TCERG1L: variants seen among roughly 807,000 people sequenced by gnomAD.
The protein encoded by TCERG1L is transcription elongation regulator 1-like protein.
A neutral mutation model predicts 56.3 loss-of-function variants in TCERG1L; 37 were observed. The ratio of observed to expected loss-of-function variants is 0.66; its 90% CI spans 0.51 to 0.87. The LOEUF is 0.87. TCERG1L is among the 40% of genes least tolerant of loss of function. The pLI is 0.00. For synonymous variants in TCERG1L, 324 were observed against 326.3 expected, an observed-to-expected ratio of 0.99 and a Z score of 0.08; for missense variants, 799 against 774.2, an observed-to-expected ratio of 1.03 and a Z score of -0.38.
In TCERG1L at chr10:131,163,196, C is replaced by A. The variant is rs1845995839; in HGVS notation, c.960G>T (p.Met320Ile). Residue 320 changes from methionine (M) to isoleucine (I), a missense_variant, in exon 6 of 12, where the codon ATG becomes ATT. Coordinates refer to ENST00000368642, the MANE Select transcript of TCERG1L (RefSeq NM_174937.4). Reference sequence around the variant, plus strand: ...CTGTGCTGTCCTCTCCTCCCCCCAGCATCGGTGGAGGCTCCTTTCAACAGA... The same window carrying A: ...CTGTGCTGTCCTCTCCTCCCCCCAGAATCGGTGGAGGCTCCTTTCAACAGA... ...GDKEDKEPPPMLGGGEDSTAR... is the reference protein window; with the variant it reads ...GDKEDKEPPPILGGGEDSTAR... 11 of 1,554,028 alleles carry A rather than the reference C, an allele frequency of 7.1e-6. No individual in the cohort carries two copies. Among genetic ancestry groups the A allele is most frequent in the Non-Finnish European group, 9.6e-6 (11 of 1,149,606 alleles).
At chr10:131,179,651 ATTC>A (rs1373572543) in intron 4 of TCERG1L, among the ~76,000 whole-genome samples, 1 of 152,120 alleles carries the variant, frequency 6.6e-6, no homozygotes, top group Non-Finnish European at 1.5e-5. Flanking sequence ...GCTTCCACTA[ATTC>A]TTCTGGCCCT....
chr10:131,257,452 G>A (rs1846184829), intron 4 of TCERG1L, among the ~76,000 whole-genome samples: 2 of 152,228 alleles, frequency 1.3e-5, no homozygotes, highest in African/African-American at 2.4e-5. Context: ...ACCGAATTCA[G>A]CACAATCTTT....
chr10:131,231,151 T>C (rs1398435170), intron 4 of TCERG1L, among the ~76,000 whole-genome samples: 2 of 152,090 alleles, frequency 1.3e-5, no homozygotes, highest in African/African-American at 4.8e-5. Context: ...AGCGAGTGGG[T>C]TCTGAGCAGG....
intron 4 of TCERG1L, among the ~76,000 whole-genome samples, chr10:131,170,919 G>A (rs1218320379): frequency 1.3e-5 from 2 of 152,158 alleles, no homozygotes; most frequent in African/African-American, 4.8e-5. Context: ...AGGCCGAGGT[G>A]GGCGGATCAC....
chr10:131,158,331 G>A (rs988026018), intron 6 of TCERG1L, among the ~76,000 whole-genome samples: 1 of 152,226 alleles, frequency 6.6e-6, no homozygotes, highest in Non-Finnish European at 1.5e-5. Flanking sequence ...CTTTGAAAGT[G>A]AGTTTCTTCC....
intron 4 of TCERG1L, among the ~76,000 whole-genome samples, chr10:131,233,621 TA>T (rs1365675246): frequency 2.0e-5 from 3 of 152,222 alleles, no homozygotes; most frequent in Non-Finnish European, 1.5e-5. Flanking sequence ...TATAATTTTA[TA>T]ATCCATTTTT....
chr10:131,296,997 A>T (rs569237351), intron 3 of TCERG1L, among the ~76,000 whole-genome samples: 1 of 152,286 alleles, frequency 6.6e-6, no homozygotes, highest in African/African-American at 2.4e-5. Context: ...AGACTCTTTG[A>T]GATAGTCTAT....
At position 131,263,915 on chromosome 10, in the gene TCERG1L, G is replaced by A. The variant is rs531651027; in HGVS notation, c.671-3471C>T. ...CTGCTTAGTGGGCCTCTGAGTGAGC[G>A]CAAAAGTTAAAGTCCTTGCTGGGAA... On this transcript the variant is annotated intron_variant, in intron 3 of 11. Transcript: ENST00000368642. 2.2e-3 allele frequency among the ~76,000 whole-genome samples: 342 copies of A among 152,290 alleles called. 1 individual carries two copies. The highest frequency in any genetic ancestry group is 4.3e-3 in the Non-Finnish European group (290 of 68,034).
intron 9 of TCERG1L, among the ~76,000 whole-genome samples, chr10:131,108,977 T>C (rs1356981271): frequency 6.6e-6 from 1 of 151,738 alleles, no homozygotes; most frequent in Non-Finnish European, 1.5e-5. Flanking sequence ...TAAGGCAGAG[T>C]CTTAGACAAC....
chr10:131,293,115 C>T (rs751812955), intron 3 of TCERG1L, among the ~76,000 whole-genome samples: 2 of 152,074 alleles, frequency 1.3e-5, no homozygotes, highest in African/African-American at 2.4e-5. Flanking sequence ...CCTCCCAAAG[C>T]GCTGGGATTA....
chr10:131,246,614 AC>A (rs202140249), intron 4 of TCERG1L, among the ~76,000 whole-genome samples: 3,521 of 143,440 alleles, frequency 0.025, 108 homozygotes, highest in East Asian at 0.071. Context: ...GCCCCACCGC[AC>A]CCCACCCCAC....
chr10:131,276,980 C>CAT (rs1846399770), intron 3 of TCERG1L, among the ~76,000 whole-genome samples: 1 of 152,200 alleles, frequency 6.6e-6, no homozygotes, highest in Non-Finnish European at 1.5e-5. Flanking sequence ...CATTTCTCAT[C>CAT]ATATGTAGCT....
chr10:131,283,823 CAA>C (rs1564833467), intron 3 of TCERG1L, among the ~76,000 whole-genome samples: 2 of 152,136 alleles, frequency 1.3e-5, no homozygotes, highest in African/African-American at 4.8e-5. Context: ...GCATACAGAG[CAA>C]AGAGATAAAC....
chr10:131,121,661 G>A (rs1196196621), intron 8 of TCERG1L, among the ~76,000 whole-genome samples: 9 of 151,652 alleles, frequency 5.9e-5, no homozygotes, highest in Non-Finnish European at 1.0e-4. Context: ...CCACACACCC[G>A]TGCTCATAAT....
At chr10:131,148,942 C>A (rs1845833608) in intron 6 of TCERG1L, among the ~76,000 whole-genome samples, 1 of 152,234 alleles carries the variant, frequency 6.6e-6, no homozygotes, top group African/African-American at 2.4e-5. Flanking sequence ...GGAGCCCTGA[C>A]CTGAACCCCA....
At chr10:131,150,686 GA>G (rs1321905569) in intron 6 of TCERG1L, among the ~76,000 whole-genome samples, 2 of 152,220 alleles carry the variant, frequency 1.3e-5, no homozygotes, top group Non-Finnish European at 2.9e-5. Context: ...GAGTTTAAGA[GA>G]AACAGGACTT....
At chr10:131,115,179 A>C (rs1246826848) in intron 9 of TCERG1L, among the ~76,000 whole-genome samples, 1 of 152,246 alleles carries the variant, frequency 6.6e-6, no homozygotes, top group African/African-American at 2.4e-5. Flanking sequence ...CCGCCTAGTC[A>C]CTGGCTGGAC....
At chr10:131,228,131 G>A (rs973874047) in intron 4 of TCERG1L, among the ~76,000 whole-genome samples, 5 of 151,738 alleles carry the variant, frequency 3.3e-5, no homozygotes, top group African/African-American at 9.7e-5. Context: ...CTCCACTCCA[G>A]ACAGGCATTT....
intron 4 of TCERG1L, among the ~76,000 whole-genome samples, chr10:131,184,376 A>G (rs936107339): frequency 2.0e-5 from 3 of 152,272 alleles, no homozygotes; most frequent in African/African-American, 4.8e-5. Context: ...GACTAAATGT[A>G]TACATAAATG....
Sources: gnomAD v4.1 joint callset for allele counts (sites outside exome capture counted in the v4.1 genomes callset) on GRCh38, gnomAD v4.1.1 for gene constraint, MANE v1.5 for transcripts, NCBI Gene and HGNC (gene_info 2026-07-23, HGNC 2026-07-21) for gene names.